The following LRRC37A2 variants were observed in gnomAD, a reference collection of about 807,000 sequenced individuals.
LRRC37A2 encodes leucine-rich repeat-containing protein 37A2.
In LRRC37A2, 9 loss-of-function variants were observed where a neutral mutation model predicts 68.8. The ratio of observed to expected loss-of-function variants is 0.13; its 90% CI spans 0.08 to 0.23. The LOEUF (loss-of-function observed/expected upper bound fraction) is 0.23, where lower values mean the gene tolerates loss of function less well. LRRC37A2 is among the 10% of genes least tolerant of loss of function. The probability of loss-of-function intolerance (pLI) is 1.00; values close to 1 mark genes in which losing one functional copy is unlikely to be tolerated. For synonymous variants in LRRC37A2, 63 were observed against 367.6 expected (o/e 0.17, Z 9.48); for missense variants, 168 against 950.4 (o/e 0.18, Z 10.82).
the LRRC37A2 span, chr17:46,979,288 T>G: frequency 3.8e-6 from 1 of 261,442 alleles, no homozygotes; most frequent in African/African-American, 2.2e-5. Flanking sequence ...CTCGCGCGCC[T>G]GGCCGCCCCT....
At chr17:46,716,384 G>C in the LRRC37A2 span, among the ~76,000 whole-genome samples, 5 of 151,644 alleles carry the variant, frequency 3.3e-5, no homozygotes, top group African/African-American at 1.2e-4. Flanking sequence ...AGCCTCCCAA[G>C]TAGCTGGGAC....
chr17:46,824,728 G>A, the LRRC37A2 span, among the ~76,000 whole-genome samples: 1 of 152,232 alleles, frequency 6.6e-6, no homozygotes, highest in Non-Finnish European at 1.5e-5. Context: ...AGAGGAGAGG[G>A]AGCAGGCAGG....
chr17:46,822,850 G>A, the LRRC37A2 span, among the ~76,000 whole-genome samples: 1 of 151,874 alleles, frequency 6.6e-6, no homozygotes, highest in African/African-American at 2.4e-5. Context: ...ACATATGGGA[G>A]GCTGCCAGCG....
the LRRC37A2 span, among the ~76,000 whole-genome samples, chr17:46,817,635 C>G: frequency 2.8e-5 from 4 of 143,014 alleles, no homozygotes; most frequent in East Asian, 7.1e-4. Context: ...CACGCACAGC[C>G]CCCCCCAAGC....
the LRRC37A2 span, among the ~76,000 whole-genome samples, chr17:47,011,412 G>A: frequency 1.3e-5 from 2 of 152,014 alleles, no homozygotes; most frequent in Non-Finnish European, 1.5e-5. Flanking sequence ...AGCCAGGTGT[G>A]GTGGTGGGTG....
chr17:46,710,931 T>C, the LRRC37A2 span: 9 of 1,556,366 alleles, frequency 5.8e-6, no homozygotes, highest in Admixed American at 2.2e-5. Context: ...ACACTAAGGC[T>C]CAAAATGCTT....
the LRRC37A2 span, among the ~76,000 whole-genome samples, chr17:46,769,531 G>C: frequency 6.6e-6 from 1 of 152,124 alleles, no homozygotes; most frequent in African/African-American, 2.4e-5. Context: ...GGTGGCACCT[G>C]ATCCCACGGG....
chr17:46,928,920 C>G, the LRRC37A2 span, among the ~76,000 whole-genome samples: 2 of 152,156 alleles, frequency 1.3e-5, no homozygotes, highest in Non-Finnish European at 2.9e-5. Context: ...AGCCCCACCC[C>G]TCTGTCTGCT....
At chr17:46,733,903 T>G in the LRRC37A2 span, among the ~76,000 whole-genome samples, 1 of 152,192 alleles carries the variant, frequency 6.6e-6, no homozygotes, top group Non-Finnish European at 1.5e-5. Flanking sequence ...CTCTGACACC[T>G]AGGAATATTA....
At chr17:46,727,996 G>GT in the LRRC37A2 span, among the ~76,000 whole-genome samples, 632 of 147,118 alleles carry the variant, frequency 4.3e-3, 1 homozygote, top group Non-Finnish European at 6.0e-3. Context: ...TGGATATTCT[G>GT]TTTTTTTTTT....
chr17:46,904,191 G>GACGGATGA, the LRRC37A2 span, among the ~76,000 whole-genome samples: 1 of 148,354 alleles, frequency 6.7e-6, no homozygotes, highest in East Asian at 2.1e-4. Context: ...TGGGTGGCTG[G>GACGGATGA]TTAGCTGGAT....
chr17:46,830,986 C>T, the LRRC37A2 span: 2 of 387,412 alleles, frequency 5.2e-6, no homozygotes, highest in Non-Finnish European at 4.5e-6. Context: ...AGAATGAAAC[C>T]TCATTGTTGA....
the LRRC37A2 span, among the ~76,000 whole-genome samples, chr17:46,996,579 GGGGCCCCTAGGCCT>G: frequency 6.6e-6 from 1 of 152,354 alleles, no homozygotes; most frequent in East Asian, 1.9e-4. Context: ...AAAGGGCCCA[GGGGCCCCTAGGCCT>G]GGTTTTGCCA....
the LRRC37A2 span, among the ~76,000 whole-genome samples, chr17:46,928,936 G>A: frequency 6.6e-6 from 1 of 151,910 alleles, no homozygotes; most frequent in African/African-American, 2.4e-5. Context: ...CTGCTTGCCT[G>A]TGACACCACT....
At chr17:46,944,444 G>A in the LRRC37A2 span, among the ~76,000 whole-genome samples, 8 of 152,092 alleles carry the variant, frequency 5.3e-5, no homozygotes, top group Non-Finnish European at 1.2e-4. Context: ...CCCGAGTCAC[G>A]TAGTGCTTTT....
At chr17:46,953,010 C>A in the LRRC37A2 span, among the ~76,000 whole-genome samples, 3 of 151,776 alleles carry the variant, frequency 2.0e-5, no homozygotes, top group Non-Finnish European at 2.9e-5. Flanking sequence ...CCCCCAAATT[C>A]TTTTTGTTTT....
chr17:46,980,359 T>G, the LRRC37A2 span, among the ~76,000 whole-genome samples: 21 of 150,420 alleles, frequency 1.4e-4, no homozygotes, highest in Non-Finnish European at 2.8e-4. Context: ...TTCCTTCTTC[T>G]TTCTTTCTCT....
the LRRC37A2 span, among the ~76,000 whole-genome samples, chr17:46,760,625 C>A: frequency 6.9e-6 from 1 of 145,898 alleles, no homozygotes; most frequent in Non-Finnish European, 1.5e-5. Flanking sequence ...CAGAGGAAGA[C>A]CCTATCTCAA....
At chr17:46,845,452 C>T in the LRRC37A2 span, among the ~76,000 whole-genome samples, 6 of 149,416 alleles carry the variant, frequency 4.0e-5, no homozygotes, top group Non-Finnish European at 8.9e-5. Flanking sequence ...ATACATGAGT[C>T]GACTTACAGG....
Sources: gnomAD v4.1 joint callset for allele counts (sites outside exome capture counted in the v4.1 genomes callset) on GRCh38, gnomAD v4.1.1 for gene constraint, MANE v1.5 for transcripts, NCBI Gene and HGNC (gene_info 2026-07-23, HGNC 2026-07-21) for gene names.